TRPM6: variants seen among roughly 807,000 people sequenced by gnomAD.
TRPM6 encodes transient receptor potential cation channel subfamily M member 6.
In TRPM6, 111 loss-of-function variants were observed where a neutral mutation model predicts 247.6. That is an observed-to-expected ratio of 0.45 (90% CI 0.38 to 0.52). TRPM6 has a LOEUF of 0.52. TRPM6 is among the 20% of genes least tolerant of loss of function. The pLI is 0.00. For synonymous variants in TRPM6, 892 were observed against 853.8 expected (o/e 1.04, Z -0.78); for missense variants, 2,126 against 2,421.5 (o/e 0.88, Z 2.56).
At position 74,802,019 on chromosome 9, in the gene TRPM6, G is replaced by A; in HGVS notation, c.1888C>T (p.His630Tyr). Residue 630 changes from histidine to tyrosine, a missense_variant, in exon 16 of 39, where the codon CAT becomes TAT. By Grantham distance (83) the His-to-Tyr change is moderately conservative. Transcript: ENST00000360774. ...RQKMAMFFWQ[H>Y]GEEATVKAVI... Reference sequence around the variant, plus strand: ...GCTTTAACCGTGGCCTCCTCTCCATGCTGCCAGAAGAACATAGCCATCTTC... The same window carrying A: ...GCTTTAACCGTGGCCTCCTCTCCATACTGCCAGAAGAACATAGCCATCTTC... 1 of 1,614,190 alleles carries A rather than the reference G, an allele frequency of 6.2e-7. No individual in the cohort carries two copies. The highest frequency in any genetic ancestry group is 8.5e-7 in the Non-Finnish European group (1 of 1,180,040).
rs1168447913 is a variant in TRPM6, at chr9:74,808,232, G to C, written c.1498-58C>G. The stretch of plus-strand genomic sequence containing the variant: ...TTAGTTATCTTCTTTCATTTCTCTT[G>C]CCATGCCATTAGAACATAATCAAAT... On this transcript the variant is annotated intron_variant, in intron 13 of 38. Transcript: ENST00000360774. The C allele has an allele frequency of 2.5e-6, 4 of 1,604,350 alleles. No homozygotes were observed. The Admixed American group carries it at 6.7e-5, about 27-fold the overall frequency.
chr9:74,771,941 T>TAA lies in TRPM6; in HGVS notation c.3404-108_3404-107dup, dbSNP rs34783728. On this transcript the variant is annotated intron_variant, in intron 24 of 38. Coordinates refer to ENST00000360774, the MANE Select transcript of TRPM6 (RefSeq NM_017662.5). ...AATGAGAAACTATAGCCTGTTGTGA[T>TAA]AAGTTTGTCACCTTGTCAAACTATT... 212,358 of 1,071,866 alleles carry TAA rather than the reference T, an allele frequency of 0.2. 25,489 individuals carry two copies. Among genetic ancestry groups the TAA allele is most frequent in the African/African-American group, 0.43 (27,056 of 63,308 alleles). 66.4% of individuals were successfully genotyped at this position (1,071,866 alleles called of 1,614,324 possible).
chr9:74,764,478 C>A (rs754207015), intron 25 of TRPM6, among the ~76,000 whole-genome samples: 3 of 152,144 alleles, frequency 2.0e-5, no homozygotes, highest in Non-Finnish European at 4.4e-5. Context: ...GGAACATCCA[C>A]GGTTGCCAGC....
At chr9:74,794,465 A>G (rs1315336379) in intron 18 of TRPM6, among the ~76,000 whole-genome samples, 1 of 152,202 alleles carries the variant, frequency 6.6e-6, no homozygotes, top group Non-Finnish European at 1.5e-5. Flanking sequence ...GGATTGACTT[A>G]GAAATGTAGG....
Position 74,778,108 on chromosome 9 carries a change from G to A in TRPM6, c.3210-2032C>T, listed in dbSNP as rs73650071. 4.6e-3 allele frequency among the ~76,000 whole-genome samples: 701 copies of A among 152,288 alleles called. 4 individuals are homozygous for A. The highest frequency in any genetic ancestry group is 0.016 in the African/African-American group (654 of 41,554). ...AGCTGTCCCAGTGGAAACTGAAGCC[G>A]AGTGTCGGTGCTGCATTTGGCTTCA... On this transcript the variant is annotated intron_variant, in intron 23 of 38. Transcript: ENST00000360774.
chr9:74,838,847 C>T (rs144625106), intron 5 of TRPM6, among the ~76,000 whole-genome samples: 74 of 152,192 alleles, frequency 4.9e-4, no homozygotes, highest in African/African-American at 1.7e-3. Context: ...TGGTGGCTCA[C>T]GCCTGTAATC....
intron 2 of TRPM6, 148 bp from the exon 3 acceptor site, chr9:74,855,713 G>A (rs1830503919): frequency 1.5e-6 from 1 of 673,970 alleles, no homozygotes. Flanking sequence ...ATTCCATTAT[G>A]GCATTTACCA....
chr9:74,754,988 A>G (rs1826386372), intron 28 of TRPM6, among the ~76,000 whole-genome samples: 1 of 152,246 alleles, frequency 6.6e-6, no homozygotes, highest in Non-Finnish European at 1.5e-5. Flanking sequence ...AATTCTGTGT[A>G]GCAGTCCATA....
At chr9:74,819,164 C>G (rs531115060) in intron 9 of TRPM6, among the ~76,000 whole-genome samples, 7 of 152,154 alleles carry the variant, frequency 4.6e-5, no homozygotes, top group South Asian at 4.2e-4. Flanking sequence ...CAAAAATTAG[C>G]CAGGCATGGT....
At chr9:74,840,300 C>G in intron 4 of TRPM6, 63 bp from the exon 5 acceptor site, 1 of 1,215,300 alleles carries the variant, frequency 8.2e-7, no homozygotes, top group South Asian at 1.3e-5. Flanking sequence ...GGCACAGAAA[C>G]AATGAGCACA....
rs373729845 is a variant in TRPM6 at position 74,827,914 on chromosome 9, G to A, written c.705C>T (p.Leu235=). ...VCLYQTLDNP[L]SKLTTLNSMH... ...TGCTGTTGAGTGTTGTGAGCTTGCTGAGGGGGTTATCCAGAGTCTGGTACA... is the reference window on the plus strand; with the variant it reads ...TGCTGTTGAGTGTTGTGAGCTTGCTAAGGGGGTTATCCAGAGTCTGGTACA... The change falls in exon 7 of 39, where the codon CTC becomes CTT. Residue 235 remains leucine (L), a synonymous_variant. Transcript: ENST00000360774. 3.2e-5 allele frequency: 52 copies of A among 1,614,030 alleles called. No individual in the cohort carries two copies. The highest frequency in any genetic ancestry group is 6.7e-5 in the African/African-American group (5 of 74,912).
intron 24 of TRPM6, among the ~76,000 whole-genome samples, chr9:74,774,807 A>G (rs1827161645): frequency 6.6e-6 from 1 of 152,268 alleles, no homozygotes; most frequent in South Asian, 2.1e-4. Flanking sequence ...TGCAGCCAAC[A>G]TCAATGAATA....
At chr9:74,806,279 G>GTATTTATTTATTTATT (rs60032253) in intron 14 of TRPM6, among the ~76,000 whole-genome samples, 1 of 150,664 alleles carries the variant, frequency 6.6e-6, no homozygotes, top group African/African-American at 2.5e-5. Context: ...AAAATTTATT[G>GTATTTATTTATTTATT]TATTTATTTA....
chr9:74,773,943 TCTC>T (rs1180187646), intron 24 of TRPM6, among the ~76,000 whole-genome samples: 1 of 152,104 alleles, frequency 6.6e-6, no homozygotes, highest in Non-Finnish European at 1.5e-5. Context: ...CACTAAAGAA[TCTC>T]CTATGAGCAA....
At chr9:74,801,243 A>ATTTTTTTTTTTT (rs59490187) in intron 16 of TRPM6, among the ~76,000 whole-genome samples, 1 of 85,252 alleles carries the variant, frequency 1.2e-5, no homozygotes, top group African/African-American at 4.4e-5. Flanking sequence ...AAGCCTGGGA[A>ATTTTTTTTTTTT]TTTTTTTTTT....
chr9:74,790,006 A>ATGTGTGTGTGTG lies in TRPM6; in HGVS notation c.2539-1276_2539-1265dup, dbSNP rs71912381. Among the ~76,000 whole-genome samples, 275 of 132,796 alleles carry ATGTGTGTGTGTG rather than the reference A, an allele frequency of 2.1e-3. 1 individual carries two copies. Among genetic ancestry groups the ATGTGTGTGTGTG allele is most frequent in the East Asian group, 0.013 (53 of 4,114 alleles). 87.1% of individuals were successfully genotyped at this position (132,796 alleles called of 152,430 possible). On this transcript the variant is annotated intron_variant, in intron 19 of 38. Coordinates refer to ENST00000360774, the MANE Select transcript of TRPM6 (RefSeq NM_017662.5). ...AAAAAGAAAATCAGTTGAGAGAAAA[A>ATGTGTGTGTGTG]TGTGTGTGTGTGTGTGTGTGTGTGT...
rs114862447 is a variant in TRPM6, at chr9:74,861,973, T to C, written c.34-3225A>G. Among the ~76,000 whole-genome samples, 583 of 151,092 alleles carry C rather than the reference T, an allele frequency of 3.9e-3. 4 individuals carry two copies. Among genetic ancestry groups the C allele is most frequent in the African/African-American group, 0.013 (554 of 41,162 alleles). On this transcript the variant is annotated intron_variant, in intron 1 of 38. Transcript: ENST00000360774. ...GAATGAGCAACAAACATGCTGAAAATAGAACTTCAGGAACCCATGTATACT... is the reference window on the plus strand; with the variant it reads ...GAATGAGCAACAAACATGCTGAAAACAGAACTTCAGGAACCCATGTATACT...
At chr9:74,862,474 G>A (rs982010885) in intron 1 of TRPM6, among the ~76,000 whole-genome samples, 4 of 152,156 alleles carry the variant, frequency 2.6e-5, no homozygotes, top group African/African-American at 9.7e-5. Context: ...TGGTGTGTTG[G>A]TCTCAATTTG....
At chr9:74,804,405 A>G in intron 14 of TRPM6, 1 of 507,698 alleles carries the variant, frequency 2.0e-6, no homozygotes, top group Non-Finnish European at 3.5e-6. Flanking sequence ...GGAAGTTTTC[A>G]TCAACAAGAT....
Sources: allele counts gnomAD v4.1 joint callset (sites outside exome capture counted in the v4.1 genomes callset), GRCh38; gene constraint gnomAD v4.1.1; transcripts MANE v1.5; gene names NCBI Gene and HGNC (gene_info 2026-07-23, HGNC 2026-07-21).